Variants in SLC24A3 observed in about 807,000 individuals in gnomAD.
SLC24A3 encodes sodium/potassium/calcium exchanger 3.
Under a neutral mutation model 75.8 loss-of-function variants are expected in SLC24A3, and 28 were observed. The observed-to-expected ratio is 0.37, with a 90% CI of 0.27 to 0.51. The LOEUF (loss-of-function observed/expected upper bound fraction) is 0.51. SLC24A3 is among the 20% of genes least tolerant of loss of function. The pLI, the probability that SLC24A3 is intolerant of heterozygous loss-of-function variation, is 0.94. For synonymous variants in SLC24A3, 372 were observed against 334.1 expected, an observed-to-expected ratio of 1.11 and a Z score of -1.24; for missense variants, 663 against 847.8, an observed-to-expected ratio of 0.78 and a Z score of 2.71.
At position 19,652,511 on chromosome 20, in the gene SLC24A3, T is replaced by A. The variant is rs1055092365; in HGVS notation, c.613-1551T>A. ...AATGAAAAAAGGGTAAAGAATACTTTATATTTATTCTAACATGATTTTTCT... is the reference window on the plus strand; with the variant it reads ...AATGAAAAAAGGGTAAAGAATACTTAATATTTATTCTAACATGATTTTTCT... On this transcript the variant is annotated intron_variant, in intron 6 of 16. Transcript: ENST00000328041. Among the ~76,000 whole-genome samples, 8 of 152,246 alleles carry A rather than the reference T, an allele frequency of 5.3e-5. No homozygotes were observed. The East Asian group carries it at 1.3e-3, about 26-fold the overall frequency.
chr20:19,498,759 A>T (rs1262909109), intron 2 of SLC24A3, among the ~76,000 whole-genome samples: 1 of 152,166 alleles, frequency 6.6e-6, no homozygotes, highest in Admixed American at 6.5e-5. Flanking sequence ...CCCCACCAAA[A>T]ATGAAGAGAT....
chr20:19,336,313 T>C (rs1985132115), intron 2 of SLC24A3, among the ~76,000 whole-genome samples: 1 of 152,220 alleles, frequency 6.6e-6, no homozygotes, highest in Non-Finnish European at 1.5e-5. Context: ...CATTCAAGAC[T>C]GTTTGACCTG....
chr20:19,625,585 T>C (rs1465714233), intron 6 of SLC24A3, among the ~76,000 whole-genome samples: 1 of 152,206 alleles, frequency 6.6e-6, no homozygotes, highest in Non-Finnish European at 1.5e-5. Context: ...TCCCCATGTA[T>C]GTCCATCGTC....
At chr20:19,337,661 A>T (rs918575990) in intron 2 of SLC24A3, among the ~76,000 whole-genome samples, 5 of 152,154 alleles carry the variant, frequency 3.3e-5, no homozygotes, top group Non-Finnish European at 1.5e-5. Flanking sequence ...TGTATAACAA[A>T]CTACGCTAAA....
intron 3 of SLC24A3, among the ~76,000 whole-genome samples, chr20:19,525,742 C>A (rs533072610): frequency 6.6e-6 from 1 of 152,258 alleles, no homozygotes; most frequent in East Asian, 1.9e-4. Flanking sequence ...CAACACACAC[C>A]AGATCCCACC....
chr20:19,519,724 A>G (rs1380169308), intron 3 of SLC24A3, among the ~76,000 whole-genome samples: 1 of 152,250 alleles, frequency 6.6e-6, no homozygotes, highest in Non-Finnish European at 1.5e-5. Flanking sequence ...TGCCAAGTAA[A>G]GGAAGAAGGC....
intron 2 of SLC24A3, among the ~76,000 whole-genome samples, chr20:19,468,689 G>A (rs1987811219): frequency 6.6e-6 from 1 of 152,198 alleles, no homozygotes; most frequent in Non-Finnish European, 1.5e-5. Flanking sequence ...TCCATGGCCT[G>A]TTTAGGCTGA....
At chr20:19,303,419 C>T (rs1303457064) in intron 2 of SLC24A3, among the ~76,000 whole-genome samples, 1 of 152,162 alleles carries the variant, frequency 6.6e-6, no homozygotes, top group African/African-American at 2.4e-5. Context: ...CGTTGATGGG[C>T]ATTTAGGTTG....
intron 3 of SLC24A3, among the ~76,000 whole-genome samples, chr20:19,539,180 GT>G (rs1287298532): frequency 6.6e-6 from 1 of 152,188 alleles, no homozygotes; most frequent in Non-Finnish European, 1.5e-5. Flanking sequence ...TATATTCACT[GT>G]GTAAAAATTC....
At chr20:19,682,084 C>T in intron 10 of SLC24A3, 93 bp downstream of exon 10, 1 of 1,384,294 alleles carries the variant, frequency 7.2e-7, no homozygotes. Context: ...AAATCCCCAT[C>T]TTTACTAAAA....
chr20:19,261,834 C>T (rs1274632780), intron 1 of SLC24A3: 1 of 152,204 alleles, frequency 6.6e-6, no homozygotes. Flanking sequence ...ATCTTCTTAA[C>T]AAAAGGCTTA....
intron 1 of SLC24A3, among the ~76,000 whole-genome samples, chr20:19,267,203 G>T (rs1252332543): frequency 1.3e-5 from 2 of 152,084 alleles, no homozygotes; most frequent in African/African-American, 4.8e-5. Flanking sequence ...GAAAATATTA[G>T]TTCCATACTT....
At chr20:19,322,356 TCCTTCCTTC>T (rs200781083) in intron 2 of SLC24A3, among the ~76,000 whole-genome samples, 14,526 of 72,744 alleles carry the variant, frequency 0.2, 1,123 homozygotes, top group African/African-American at 0.36. Flanking sequence ...CTTCTTTCCT[TCCTTCCTTC>T]CCTTCCTTCC....
intron 1 of SLC24A3, among the ~76,000 whole-genome samples, chr20:19,269,809 T>G (rs538143162): frequency 9.8e-5 from 15 of 152,322 alleles, no homozygotes; most frequent in African/African-American, 3.4e-4. Flanking sequence ...ATTATAGTAT[T>G]TGCTCCTGAG....
At chr20:19,283,774 A>G (rs1983728689) in intron 2 of SLC24A3, among the ~76,000 whole-genome samples, 1 of 152,216 alleles carries the variant, frequency 6.6e-6, no homozygotes, top group Non-Finnish European at 1.5e-5. Flanking sequence ...TGTGAGAATT[A>G]CTAATAAAGT....
chr20:19,698,517 TG>T, intron 14 of SLC24A3, 50 bp from the exon 15 acceptor site: 1 of 1,432,832 alleles, frequency 7.0e-7, no homozygotes. Flanking sequence ...GAGTCCTGTG[TG>T]GGGCCCCTGG....
chr20:19,615,981 G>A (rs141799615), intron 6 of SLC24A3, among the ~76,000 whole-genome samples: 1 of 152,256 alleles, frequency 6.6e-6, no homozygotes, highest in African/African-American at 2.4e-5. Flanking sequence ...GTAATTATCT[G>A]AGCCAATTCT....
chr20:19,270,328 C>T (rs2122209338), intron 1 of SLC24A3, among the ~76,000 whole-genome samples: 1 of 152,212 alleles, frequency 6.6e-6, no homozygotes, highest in South Asian at 2.1e-4. Flanking sequence ...TCAAAGTGTA[C>T]ATTTTAAGAA....
At chr20:19,486,890 C>A (rs1988134672) in intron 2 of SLC24A3, among the ~76,000 whole-genome samples, 1 of 152,180 alleles carries the variant, frequency 6.6e-6, no homozygotes, top group Admixed American at 6.5e-5. Flanking sequence ...ACATCAGATA[C>A]TGCTCCCATG....
Sources: allele counts gnomAD v4.1 joint callset (sites outside exome capture counted in the v4.1 genomes callset), GRCh38; gene constraint gnomAD v4.1.1; transcripts MANE v1.5; gene names NCBI Gene and HGNC (gene_info 2026-07-23, HGNC 2026-07-21).